Variants in NME7 observed in about 807,000 individuals in gnomAD.
NME7 encodes NME/NM23 family member 7.
A neutral mutation model predicts 49.1 loss-of-function variants in NME7; 41 were observed. The observed-to-expected ratio is 0.83, with a 90% CI of 0.65 to 1.08. The LOEUF (loss-of-function observed/expected upper bound fraction) is 1.08, where lower values mean the gene tolerates loss of function less well. Ranked by LOEUF, NME7 falls within the 50% of genes least tolerant of loss-of-function variation. The probability of loss-of-function intolerance (pLI) is 0.00; values close to 1 mark genes in which losing one functional copy is unlikely to be tolerated. For synonymous variants in NME7, 139 were observed against 150.6 expected (o/e 0.92, Z 0.56); for missense variants, 423 against 463.4 (o/e 0.91, Z 0.80).
At chr1:169,235,358 A>G (rs1017873422) in intron 8 of NME7, among the ~76,000 whole-genome samples, 159 bp from the exon 9 acceptor site, 1 of 151,972 alleles carries the variant, frequency 6.6e-6, no homozygotes, top group Non-Finnish European at 1.5e-5. Context: ...TTAAACATCA[A>G]CTCATCAAGA....
intron 10 of NME7, among the ~76,000 whole-genome samples, chr1:169,188,153 G>A (rs1557979706): frequency 1.3e-5 from 2 of 152,228 alleles, no homozygotes; most frequent in Admixed American, 6.5e-5. Flanking sequence ...TTGGTAACCC[G>A]ACCTTTCTCT....
intron 1 of NME7, among the ~76,000 whole-genome samples, chr1:169,349,450 G>A (rs1267648185): frequency 1.3e-5 from 2 of 152,246 alleles, no homozygotes; most frequent in African/African-American, 4.8e-5. Flanking sequence ...TGGAATATGC[G>A]TGACATTCAG....
intron 1 of NME7, among the ~76,000 whole-genome samples, chr1:169,334,413 T>A (rs1482478974): frequency 1.3e-5 from 2 of 151,948 alleles, no homozygotes; most frequent in African/African-American, 2.4e-5. Flanking sequence ...ATACCACACA[T>A]CTACAACCAT....
intron 8 of NME7, among the ~76,000 whole-genome samples, chr1:169,237,215 A>C (rs1243570452): frequency 6.6e-6 from 1 of 152,130 alleles, no homozygotes; most frequent in Non-Finnish European, 1.5e-5. Context: ...TTAGGGAAAA[A>C]AAATCTGAAC....
chr1:169,364,935 T>G (rs1653797239), intron 1 of NME7, among the ~76,000 whole-genome samples: 1 of 152,216 alleles, frequency 6.6e-6, no homozygotes, highest in Non-Finnish European at 1.5e-5. Context: ...TATAATTTCT[T>G]ACTATTCAGA....
chr1:169,349,361 G>T (rs1653068811), intron 1 of NME7, among the ~76,000 whole-genome samples: 1 of 152,028 alleles, frequency 6.6e-6, no homozygotes, highest in East Asian at 1.9e-4. Context: ...GGGTGGGGGG[G>T]TTATCCTTTG....
At chr1:169,151,253 C>T (rs1658906082) in intron 11 of NME7, among the ~76,000 whole-genome samples, 1 of 152,144 alleles carries the variant, frequency 6.6e-6, no homozygotes, top group African/African-American at 2.4e-5. Context: ...AGCCCTTCAC[C>T]AAGGCCTTGG....
At chr1:169,214,110 G>C (rs79101075) in intron 10 of NME7, among the ~76,000 whole-genome samples, 1,911 of 152,300 alleles carry the variant, frequency 0.013, 39 homozygotes, top group African/African-American at 0.043. Flanking sequence ...TTCAGGCTTT[G>C]TAGTTTAGGG....
intron 7 of NME7, among the ~76,000 whole-genome samples, chr1:169,242,724 A>AAG (rs1648143743): frequency 6.6e-6 from 1 of 151,210 alleles, no homozygotes; most frequent in Admixed American, 6.6e-5. Context: ...GCAAGGTTGA[A>AAG]AGATACAAGG....
At chr1:169,141,600 C>T (rs1285601021) in intron 11 of NME7, among the ~76,000 whole-genome samples, 1 of 152,166 alleles carries the variant, frequency 6.6e-6, no homozygotes, top group Non-Finnish European at 1.5e-5. Flanking sequence ...CAAGGAATTA[C>T]AGTACTCTTT....
chr1:169,365,986 G>A (rs1653836725), intron 1 of NME7, among the ~76,000 whole-genome samples: 1 of 152,206 alleles, frequency 6.6e-6, no homozygotes, highest in African/African-American at 2.4e-5. Flanking sequence ...GTCATATTAA[G>A]TTTGAAGGAC....
At chr1:169,262,029 GTAT>G (rs1649180809) in intron 7 of NME7, among the ~76,000 whole-genome samples, 1 of 133,862 alleles carries the variant, frequency 7.5e-6, no homozygotes, top group South Asian at 2.3e-4. Flanking sequence ...ATAATTCCTG[GTAT>G]TCATGTGCTT....
At chr1:169,277,195 T>A (rs977273483) in intron 7 of NME7, among the ~76,000 whole-genome samples, 2 of 149,422 alleles carry the variant, frequency 1.3e-5, no homozygotes, top group Non-Finnish European at 3.0e-5. Flanking sequence ...TGTAGATGTC[T>A]ATTAGGTCCG....
chr1:169,287,341 C>T lies in NME7; in HGVS notation c.716G>A (p.Cys239Tyr). Reference protein sequence around the residue: ...GPANTAKFTNCTCCIVKPHAV... With the variant: ...GPANTAKFTNYTCCIVKPHAV... ...ATGGGGTTTAACAATGCAACAGGTA[C>T]AATTAGTAAATTTAGCAGTGTTTGC... The change falls in exon 7 of 12, where the codon TGT becomes TAT. Residue 239 changes from cysteine (C) to tyrosine (Y), a missense_variant. Cys to Tyr is a radical substitution (Grantham distance 194, BLOSUM62 -2). Transcript: ENST00000367811. 6.2e-7 allele frequency: 1 copy of T among 1,605,482 alleles called. No individual in the cohort carries two copies. Among genetic ancestry groups the T allele is most frequent in the Non-Finnish European group, 8.5e-7 (1 of 1,175,400 alleles).
At chr1:169,150,658 T>C (rs1658886484) in intron 11 of NME7, among the ~76,000 whole-genome samples, 1 of 151,978 alleles carries the variant, frequency 6.6e-6, no homozygotes, top group Non-Finnish European at 1.5e-5. Context: ...CAGCTAACTT[T>C]TGCCTCTCAA....
chr1:169,323,207 C>T lies in NME7; in HGVS notation c.188G>A (p.Gly63Asp). ...DNLHLEDLFI[G>D]NKVNVFSRQL... Reference sequence around the variant, plus strand: ...TCGAGAAAAGACATTCACTTTGTTGCCTATAAATAAATCTTCCAAGTGCAG... The same window carrying T: ...TCGAGAAAAGACATTCACTTTGTTGTCTATAAATAAATCTTCCAAGTGCAG... Residue 63 changes from glycine (G) to aspartate (D), a missense_variant, in exon 3 of 12, where the codon GGC (glycine) becomes GAC (aspartate). By Grantham distance (94) the Gly-to-Asp change is moderately conservative (BLOSUM62 -1). Transcript: ENST00000367811. 1.2e-6 allele frequency: 2 copies of T among 1,607,744 alleles called. No homozygotes were observed. Among genetic ancestry groups the T allele is most frequent in the South Asian group, 2.2e-5 (2 of 89,604 alleles).
intron 10 of NME7, among the ~76,000 whole-genome samples, chr1:169,205,541 C>T (rs141591682): frequency 2.4e-4 from 37 of 152,202 alleles, no homozygotes; most frequent in East Asian, 9.7e-4. Flanking sequence ...ATCCTCACAA[C>T]CGGCTTATTC....
At chr1:169,282,525 T>C (rs1356329871) in intron 7 of NME7, among the ~76,000 whole-genome samples, 1 of 152,172 alleles carries the variant, frequency 6.6e-6, no homozygotes, top group Non-Finnish European at 1.5e-5. Context: ...TCTCTAGTTC[T>C]TTCAATTTTG....
rs181186404 is a variant in NME7, at chr1:169,350,318, C to A, written c.3+17390G>T. 1.6e-3 allele frequency among the ~76,000 whole-genome samples: 238 copies of A among 149,800 alleles called. 2 individuals carry two copies. The highest frequency in any genetic ancestry group is 2.2e-3 in the Non-Finnish European group (146 of 67,284). On this transcript the variant is annotated intron_variant, in intron 1 of 11. Coordinates refer to ENST00000367811, the MANE Select transcript of NME7 (RefSeq NM_013330.5). The stretch of plus-strand genomic sequence containing the variant: ...CCCTGCTCTCAAGGAGCTCACTCTC[C>A]TTAGTACATTACTGAGTCCCAACTC...
Sources: gnomAD v4.1 joint callset for allele counts (sites outside exome capture counted in the v4.1 genomes callset) on GRCh38, gnomAD v4.1.1 for gene constraint, MANE v1.5 for transcripts, NCBI Gene and HGNC (gene_info 2026-07-23, HGNC 2026-07-21) for gene names.